ARHGAP20: variants seen among roughly 807,000 people sequenced by gnomAD.
The protein encoded by ARHGAP20 is Rho GTPase activating protein 20.
A neutral mutation model predicts 73.7 loss-of-function variants in ARHGAP20; 34 were observed. The observed-to-expected ratio is 0.46, with a 90% CI of 0.35 to 0.61. The LOEUF is 0.61. Among genes scored for constraint, ARHGAP20 ranks in the 20% least tolerant of loss-of-function variants. The pLI is 0.00. For missense variants in ARHGAP20, 1,314 were observed against 1,420.9 expected (o/e 0.92, Z 1.21); for synonymous variants, 523 against 518.2 (o/e 1.01, Z -0.13).
In ARHGAP20 at chr11:110,609,013, C is replaced by T; in HGVS notation, c.746G>A (p.Gly249Asp). The change falls in exon 8 of 15, where the codon GGC becomes GAC. Residue 249 changes from glycine (G) to aspartate (D), a missense_variant. Gly to Asp is a moderately conservative substitution (Grantham distance 94). Around this residue, in one of 3 missense-constraint regions of ARHGAP20, gnomAD observed 443 missense variants for 466.4 expected, o/e 0.95. Coordinates refer to ENST00000683387, the MANE Select transcript of ARHGAP20 (RefSeq NM_001384657.1). ...GAGTGGGTATGGAGCCTCTTCTTTGCCAGAATTGACCCACAACTGGTAATC... is the reference window on the plus strand; with the variant it reads ...GAGTGGGTATGGAGCCTCTTCTTTGTCAGAATTGACCCACAACTGGTAATC... ...ERDYQLWVNS[G>D]KEEAPYPLIG... 6.2e-7 allele frequency: 1 copy of T among 1,613,536 alleles called. No individual in the cohort carries two copies. The highest frequency in any genetic ancestry group is 8.5e-7 in the Non-Finnish European group (1 of 1,179,624).
Position 110,579,284 on chromosome 11 carries a change from T to C in ARHGAP20, c.*86A>G. ...TAATCCTTATGCTACCTCTCCCAGG[T>C]ATCTTATACAAAGGGGTCATAATAA... On this transcript the variant is annotated 3_prime_UTR_variant, in exon 15 of 15. Coordinates refer to ENST00000683387, the MANE Select transcript of ARHGAP20 (RefSeq NM_001384657.1). 1 of 1,465,076 alleles carries C rather than the reference T, an allele frequency of 6.8e-7. No homozygotes were observed. Among genetic ancestry groups the C allele is most frequent in the Non-Finnish European group, 9.0e-7 (1 of 1,107,564 alleles). 90.8% of individuals were successfully genotyped at this position (1,465,076 alleles called of 1,614,324 possible). A position where few individuals can be genotyped will look rare whatever the true frequency, so the allele number is the denominator to read the frequency against.
At chr11:110,630,483 G>A (rs1948837062) in intron 3 of ARHGAP20, 145 bp downstream of exon 3, 6 of 775,026 alleles carry the variant, frequency 7.7e-6, no homozygotes, top group Non-Finnish European at 1.2e-5. Context: ...ATTTTTTTTT[G>A]CAATGAAGGG....
chr11:110,578,126 C>T lies in ARHGAP20; in HGVS notation c.*1244G>A. 1 of 985,406 alleles carries T rather than the reference C, an allele frequency of 1.0e-6. No homozygotes were observed. Among genetic ancestry groups the T allele is most frequent in the South Asian group, 4.7e-5 (1 of 21,282 alleles). 61.0% of individuals were successfully genotyped at this position (985,406 alleles called of 1,614,324 possible). A position where few individuals can be genotyped will look rare whatever the true frequency, so the allele number is the denominator to read the frequency against. ...TCCTAGGTGACGAGATGTACTGCTG[C>T]AACCTTTAAGTCAAGAAAGCAGAGA... On this transcript the variant is annotated 3_prime_UTR_variant, in exon 15 of 15. Transcript: ENST00000683387.
rs745980916 is a variant in ARHGAP20, at chr11:110,615,567, G to C, written c.531C>G (p.Leu177=). The change falls in exon 5 of 15, where the codon CTC becomes CTG. Residue 177 remains leucine, a synonymous_variant. Transcript: ENST00000683387. ...FSSPEQKDKW[L]SLLQRYINLE... ...TGAAAAAATACCTCTGAAGGAGAGA[G>C]AGCCATTTGTCCTTTTGTTCTGGAG... 1.1e-5 allele frequency: 17 copies of C among 1,612,138 alleles called. No homozygotes were observed. In the East Asian group the frequency reaches 3.3e-4, roughly 32 times the overall value.
chr11:110,620,382 C>A (rs565807557), intron 4 of ARHGAP20, among the ~76,000 whole-genome samples: 3 of 152,140 alleles, frequency 2.0e-5, no homozygotes, highest in Admixed American at 6.5e-5. Flanking sequence ...AACTCCCCCC[C>A]TCAAGTGATC....
chr11:110,579,585 G>A lies in ARHGAP20; in HGVS notation c.3361C>T (p.His1121Tyr), dbSNP rs1299982771. The change falls in exon 15 of 15, where the codon CAC (histidine) becomes TAC (tyrosine). Residue 1121 changes from histidine (H) to tyrosine (Y), a missense_variant. Physicochemically the swap from His to Tyr is moderately conservative, Grantham distance 83. This residue lies in a region of ARHGAP20 where 641 missense variants were observed against 636.9 expected (regional missense o/e 1.01). Transcript: ENST00000683387. Reference sequence around the variant, plus strand: ...ACCAGGCTGAATGGAGAGCTACAGTGTCTCTCTGAGTCCTGGAAGGGAGAA... The same window carrying A: ...ACCAGGCTGAATGGAGAGCTACAGTATCTCTCTGAGTCCTGGAAGGGAGAA... ...SSSPFQDSERHCSSPFSLVES... is the reference protein window; with the variant it reads ...SSSPFQDSERYCSSPFSLVES... 6.2e-7 allele frequency: 1 copy of A among 1,613,776 alleles called. No individual in the cohort carries two copies. Among genetic ancestry groups the A allele is most frequent in the African/African-American group, 1.3e-5 (1 of 74,918 alleles).
intron 1 of ARHGAP20, among the ~76,000 whole-genome samples, chr11:110,706,844 G>C (rs145437166): frequency 6.6e-6 from 1 of 152,010 alleles, no homozygotes; most frequent in Non-Finnish European, 1.5e-5. Flanking sequence ...ACAATCTCAC[G>C]TATCTGATTT....
chr11:110,597,294 T>TTA (rs572212726), intron 9 of ARHGAP20, among the ~76,000 whole-genome samples: 12 of 142,624 alleles, frequency 8.4e-5, no homozygotes, highest in African/African-American at 2.8e-4. Flanking sequence ...ATAATAAAAT[T>TTA]AAAAAAAAAA....
chr11:110,681,730 T>C (rs1041170774), intron 2 of ARHGAP20, among the ~76,000 whole-genome samples: 2 of 152,260 alleles, frequency 1.3e-5, no homozygotes, highest in Non-Finnish European at 2.9e-5. Flanking sequence ...GTGAGCATGG[T>C]GGTGTGTGGT....
chr11:110,590,899 G>C, intron 10 of ARHGAP20, 90 bp from the exon 11 acceptor site: 1 of 1,284,198 alleles, frequency 7.8e-7, no homozygotes. Context: ...CAGAGGCTAG[G>C]GTGCGCTAGG....
In ARHGAP20 at chr11:110,579,703, T is replaced by C. The variant is rs369088115; in HGVS notation, c.3243A>G (p.Pro1081=). Residue 1081 remains proline (P), a synonymous_variant, in exon 15 of 15, where the codon CCA becomes CCG. Transcript: ENST00000683387. Reference sequence around the variant, plus strand: ...GTTCCTCTTGCAGTGAGTTGGCTTCTGGAACACCAGAAGCATGTGGGGGTG... The same window carrying C: ...GTTCCTCTTGCAGTGAGTTGGCTTCCGGAACACCAGAAGCATGTGGGGGTG... ...LEPPPHASGV[P]EANSLQEEQK... 5.6e-6 allele frequency: 9 copies of C among 1,614,106 alleles called. No individual in the cohort carries two copies. The African/African-American group carries it at 6.7e-5, about 12-fold the overall frequency.
At chr11:110,690,462 A>T in intron 2 of ARHGAP20, 85 bp downstream of exon 2, 1 of 1,311,550 alleles carries the variant, frequency 7.6e-7, no homozygotes, top group Non-Finnish European at 1.1e-6. Context: ...TCTACACATT[A>T]AAGAATATGT....
At chr11:110,671,504 G>A (rs1042552565) in intron 2 of ARHGAP20, among the ~76,000 whole-genome samples, 1 of 151,996 alleles carries the variant, frequency 6.6e-6, no homozygotes, top group Non-Finnish European at 1.5e-5. Context: ...GTACACTGAG[G>A]CAAGCGAAGG....
chr11:110,615,464 G>A (rs2134902002), intron 5 of ARHGAP20, 89 bp downstream of exon 5: 1 of 1,210,754 alleles, frequency 8.3e-7, no homozygotes, highest in South Asian at 1.4e-5. Context: ...TAAGGAGAAG[G>A]GGAATAATTT....
chr11:110,608,860 G>A (rs1948297352), intron 8 of ARHGAP20, 124 bp downstream of exon 8: 1 of 733,202 alleles, frequency 1.4e-6, no homozygotes, highest in African/African-American at 1.8e-5. Context: ...TTTATTAAAT[G>A]AACACCATGA....
chr11:110,701,021 G>A (rs1488529482), intron 1 of ARHGAP20, among the ~76,000 whole-genome samples: 1 of 150,844 alleles, frequency 6.6e-6, no homozygotes, highest in Non-Finnish European at 1.5e-5. Flanking sequence ...CCAAGTCTTT[G>A]CTATTGTGAA....
At chr11:110,647,773 C>T (rs1949228796) in intron 2 of ARHGAP20, among the ~76,000 whole-genome samples, 1 of 152,030 alleles carries the variant, frequency 6.6e-6, no homozygotes, top group Non-Finnish European at 1.5e-5. Flanking sequence ...AGTATTCTCT[C>T]ACTATAACAG....
intron 1 of ARHGAP20, among the ~76,000 whole-genome samples, chr11:110,695,536 T>G (rs1386018582): frequency 1.3e-5 from 2 of 151,664 alleles, no homozygotes; most frequent in African/African-American, 4.8e-5. Context: ...GAATACAGTC[T>G]TCCAAAGAAG....
intron 2 of ARHGAP20, among the ~76,000 whole-genome samples, chr11:110,681,477 A>C (rs925192658): frequency 6.6e-6 from 1 of 152,142 alleles, no homozygotes; most frequent in Non-Finnish European, 1.5e-5. Flanking sequence ...TATATCTGAA[A>C]GGTCCACACT....
Sources: gnomAD v4.1 joint callset for allele counts (sites outside exome capture counted in the v4.1 genomes callset) on GRCh38, gnomAD v4.1.1 for gene constraint, gnomAD v4.1.1 regional missense constraint, MANE v1.5 for transcripts, NCBI Gene and HGNC (gene_info 2026-07-23, HGNC 2026-07-21) for gene names.